RTN1: variants seen among roughly 807,000 people sequenced by gnomAD.
RTN1 encodes the protein reticulon 1, also known as reticulon-1.
In RTN1, 25 loss-of-function variants were observed where a neutral mutation model predicts 65.5. That is an observed-to-expected ratio of 0.38 (90% CI 0.28 to 0.53). The LOEUF is 0.53. Ranked by LOEUF, RTN1 falls within the 20% of genes least tolerant of loss-of-function variation. The pLI, the probability that RTN1 is intolerant of heterozygous loss-of-function variation, is 0.79. For missense variants in RTN1, 983 were observed against 1,025.4 expected, an observed-to-expected ratio of 0.96 and a Z score of 0.57; for synonymous variants, 471 against 447.6, an observed-to-expected ratio of 1.05 and a Z score of -0.66.
At chr14:59,630,530 G>C in intron 3 of RTN1, 1 of 1,613,100 alleles carries the variant, frequency 6.2e-7, no homozygotes, top group East Asian at 2.2e-5. Context: ...GGGGCTCGCC[G>C]TGGCTCTCCT....
At chr14:59,860,953 T>C (rs1372556967) in intron 1 of RTN1, among the ~76,000 whole-genome samples, 1 of 152,188 alleles carries the variant, frequency 6.6e-6, no homozygotes, top group Non-Finnish European at 1.5e-5. Context: ...TAAGTTGCTT[T>C]TGATTTTACA....
chr14:59,702,171 A>T (rs1316861127), intron 3 of RTN1, among the ~76,000 whole-genome samples: 1 of 152,230 alleles, frequency 6.6e-6, no homozygotes, highest in Non-Finnish European at 1.5e-5. Flanking sequence ...TAGATGAAGC[A>T]TTGATTAATC....
intron 1 of RTN1, among the ~76,000 whole-genome samples, chr14:59,771,669 G>A (rs1337801228): frequency 6.6e-6 from 1 of 152,156 alleles, no homozygotes; most frequent in Admixed American, 6.5e-5. Context: ...CTTTCACCGA[G>A]GCTGTATCCA....
chr14:59,851,918 A>T (rs1887516000), intron 1 of RTN1, among the ~76,000 whole-genome samples: 1 of 152,088 alleles, frequency 6.6e-6, no homozygotes, highest in Non-Finnish European at 1.5e-5. Context: ...GCAAACATCC[A>T]AACTGTAAAC....
At chr14:59,641,636 G>C (rs546507916) in intron 3 of RTN1, among the ~76,000 whole-genome samples, 1 of 152,188 alleles carries the variant, frequency 6.6e-6, no homozygotes, top group African/African-American at 2.4e-5. Flanking sequence ...CTCCCAAAGT[G>C]CTGGGATTAC....
intron 3 of RTN1, among the ~76,000 whole-genome samples, chr14:59,623,113 C>T (rs536977916): frequency 1.3e-5 from 2 of 152,360 alleles, no homozygotes; most frequent in African/African-American, 2.4e-5. Context: ...CCACAGCCAA[C>T]AGCAATTTCT....
At chr14:59,865,217 T>C (rs993316548) in intron 1 of RTN1, among the ~76,000 whole-genome samples, 7 of 152,184 alleles carry the variant, frequency 4.6e-5, no homozygotes, top group African/African-American at 1.7e-4. Flanking sequence ...CAGTGTCAAA[T>C]ATATTGGTTT....
chr14:59,655,083 G>T (rs113350602), intron 3 of RTN1, among the ~76,000 whole-genome samples: 1,970 of 152,128 alleles, frequency 0.013, 29 homozygotes, highest in Non-Finnish European at 0.017. Context: ...CACACAAAAC[G>T]ATTTAGAGGT....
At chr14:59,751,411 T>C (rs1045822839) in intron 1 of RTN1, among the ~76,000 whole-genome samples, 1 of 152,114 alleles carries the variant, frequency 6.6e-6, no homozygotes, top group Non-Finnish European at 1.5e-5. Flanking sequence ...GCTCAGCTTA[T>C]AGGTAGACCT....
intron 3 of RTN1, among the ~76,000 whole-genome samples, chr14:59,655,346 T>G (rs545671653): frequency 2.6e-4 from 40 of 152,308 alleles, no homozygotes; most frequent in African/African-American, 9.6e-4. Context: ...GTTCATAGAT[T>G]GAAAGATTTG....
At chr14:59,714,002 G>A (rs992542927) in intron 3 of RTN1, among the ~76,000 whole-genome samples, 1 of 152,136 alleles carries the variant, frequency 6.6e-6, no homozygotes, top group East Asian at 1.9e-4. Context: ...TTGGGAGGCC[G>A]AGGCAGGCAG....
intron 2 of RTN1, among the ~76,000 whole-genome samples, chr14:59,731,817 T>C (rs1409154901): frequency 6.6e-6 from 1 of 152,138 alleles, no homozygotes; most frequent in African/African-American, 2.4e-5. Flanking sequence ...TCATCTCTTC[T>C]CAGATATGAA....
Position 59,603,901 on chromosome 14 carries a change from G to C in RTN1, c.2133C>G (p.Leu711=). Residue 711 remains leucine (L), a synonymous_variant, in exon 6 of 9, where the codon CTC becomes CTG. Coordinates refer to ENST00000267484, the MANE Select transcript of RTN1 (RefSeq NM_021136.3). ...DSLKFAVLMW[L]LTYVGALFNG... ...TGAAGAGAGCGCCAACGTAGGTCAG[G>C]AGCCACATCAGGACTGCAAACTGAA... is the stretch of plus-strand genomic sequence containing the variant. 1.2e-6 allele frequency: 2 copies of C among 1,611,976 alleles called. No homozygotes were observed. Among genetic ancestry groups the C allele is most frequent in the South Asian group, 2.2e-5 (2 of 91,030 alleles).
chr14:59,820,458 G>A (rs993326697), intron 1 of RTN1, among the ~76,000 whole-genome samples: 1 of 139,034 alleles, frequency 7.2e-6, no homozygotes, highest in Non-Finnish European at 1.5e-5. Context: ...TGGAGACTTT[G>A]TCATGAAATC....
intron 1 of RTN1, among the ~76,000 whole-genome samples, chr14:59,822,984 T>C (rs958676167): frequency 6.6e-6 from 1 of 152,136 alleles, no homozygotes; most frequent in African/African-American, 2.4e-5. Flanking sequence ...TCTGTTGCTG[T>C]TGGGTGGAGT....
At chr14:59,722,727 A>G (rs983448085) in intron 3 of RTN1, among the ~76,000 whole-genome samples, 2 of 152,110 alleles carry the variant, frequency 1.3e-5, no homozygotes, top group Non-Finnish European at 2.9e-5. Flanking sequence ...CAATAAAAAA[A>G]AAACAATACA....
intron 1 of RTN1, among the ~76,000 whole-genome samples, chr14:59,858,492 G>A (rs1447581075): frequency 3.4e-5 from 5 of 145,926 alleles, no homozygotes; most frequent in African/African-American, 1.3e-4. Flanking sequence ...TTTTTAGAAA[G>A]CCAAAGATTT....
chr14:59,747,289 T>C (rs953229226), intron 1 of RTN1, among the ~76,000 whole-genome samples: 2 of 152,244 alleles, frequency 1.3e-5, no homozygotes, highest in Non-Finnish European at 2.9e-5. Context: ...ATTCTACTAA[T>C]ACACCAGCCA....
chr14:59,808,764 T>C (rs1886679276), intron 1 of RTN1, among the ~76,000 whole-genome samples: 2 of 152,158 alleles, frequency 1.3e-5, no homozygotes, highest in South Asian at 4.2e-4. Flanking sequence ...CTCACAATAG[T>C]AAATGAGTTC....
Sources: gnomAD v4.1 joint callset for allele counts (sites outside exome capture counted in the v4.1 genomes callset) on GRCh38, gnomAD v4.1.1 for gene constraint, MANE v1.5 for transcripts, NCBI Gene and HGNC (gene_info 2026-07-23, HGNC 2026-07-21) for gene names.